The following PSD3 variants were observed in gnomAD, a reference collection of about 807,000 sequenced individuals.
PSD3 encodes PH and SEC7 domain-containing protein 3.
Under a neutral mutation model 105.5 loss-of-function variants are expected in PSD3, and 49 were observed. The observed-to-expected ratio is 0.46, with a 90% confidence interval of 0.37 to 0.59. The LOEUF (loss-of-function observed/expected upper bound fraction) is 0.59, where lower values mean the gene tolerates loss of function less well. PSD3 is among the 20% of genes least tolerant of loss of function. The pLI is 0.00. For missense variants in PSD3, 1,561 were observed against 1,263.8 expected (o/e 1.24, Z -3.57); for synonymous variants, 557 against 457.8 (o/e 1.22, Z -2.77).
chr8:19,049,423 C>T (rs1328908749), intron 1 of PSD3, among the ~76,000 whole-genome samples: 2 of 152,148 alleles, frequency 1.3e-5, no homozygotes, highest in African/African-American at 2.4e-5. Flanking sequence ...GGCACAGTGG[C>T]CCACACCTGC....
intron 9 of PSD3, among the ~76,000 whole-genome samples, chr8:18,743,115 T>C (rs1563216433): frequency 1.3e-5 from 2 of 152,180 alleles, no homozygotes; most frequent in Non-Finnish European, 2.9e-5. Flanking sequence ...TCTTCAACTG[T>C]ATTGCAGGAA....
At chr8:19,040,507 G>C (rs1828086352) in intron 1 of PSD3, among the ~76,000 whole-genome samples, 1 of 152,140 alleles carries the variant, frequency 6.6e-6, no homozygotes, top group Non-Finnish European at 1.5e-5. Context: ...CATTTGGCCT[G>C]GAGTTAGATT....
chr8:18,843,885 G>A (rs370924678), intron 4 of PSD3, among the ~76,000 whole-genome samples: 3 of 150,784 alleles, frequency 2.0e-5, no homozygotes, highest in Non-Finnish European at 4.4e-5. Context: ...CAGGAAGTAG[G>A]TCTTCTATAA....
chr8:19,067,404 C>T (rs531727343), intron 1 of PSD3, among the ~76,000 whole-genome samples: 142 of 152,284 alleles, frequency 9.3e-4, no homozygotes, highest in African/African-American at 3.2e-3. Flanking sequence ...GACATCATTG[C>T]ACCAAGAGTC....
chr8:18,815,664 G>T (rs1055994556), intron 4 of PSD3, among the ~76,000 whole-genome samples: 1 of 152,172 alleles, frequency 6.6e-6, no homozygotes, highest in Non-Finnish European at 1.5e-5. Flanking sequence ...CACAGGCGTT[G>T]CTGTGTTTCT....
rs73202173 is a variant in PSD3 at position 18,939,549 on chromosome 8, T to C, written c.22-3407A>G. On this transcript the variant is annotated intron_variant, in intron 1 of 15. Coordinates refer to ENST00000327040, the MANE Select transcript of PSD3 (RefSeq NM_015310.4). ...TTTTTTTAGAGATGGGATCTAGATA[T>C]GTTGCTCTGACTGGACTCAAACTCT... 1.8e-3 allele frequency among the ~76,000 whole-genome samples: 281 copies of C among 151,906 alleles called. 1 individual carries two copies. Among genetic ancestry groups the C allele is most frequent in the Non-Finnish European group, 3.3e-3 (223 of 67,958 alleles).
At chr8:18,908,839 G>A (rs1348664131) in intron 2 of PSD3, among the ~76,000 whole-genome samples, 1 of 152,068 alleles carries the variant, frequency 6.6e-6, no homozygotes, top group African/African-American at 2.4e-5. Context: ...TTAGTTAAAC[G>A]TCATTATTTC....
chr8:19,057,158 G>C (rs1307813610), intron 1 of PSD3, among the ~76,000 whole-genome samples: 1 of 152,082 alleles, frequency 6.6e-6, no homozygotes, highest in Non-Finnish European at 1.5e-5. Flanking sequence ...GAACATGTTT[G>C]ACTATCTCTT....
intron 9 of PSD3, among the ~76,000 whole-genome samples, chr8:18,673,847 T>C (rs1420859703): frequency 1.3e-5 from 2 of 151,874 alleles, no homozygotes; most frequent in Admixed American, 6.6e-5. Context: ...GAACAGAAAA[T>C]TGTAGGGCGG....
At chr8:18,739,328 T>C (rs1804387729) in intron 9 of PSD3, among the ~76,000 whole-genome samples, 1 of 152,134 alleles carries the variant, frequency 6.6e-6, no homozygotes, top group Admixed American at 6.5e-5. Flanking sequence ...GGTGTTCCCA[T>C]ACTTAATTAT....
chr8:19,065,910 G>A (rs138570708), intron 1 of PSD3, among the ~76,000 whole-genome samples: 117 of 152,288 alleles, frequency 7.7e-4, no homozygotes, highest in Admixed American at 2.8e-3. Context: ...TCTGGTGACC[G>A]CCTCCAATCT....
rs78124967 is a variant in PSD3, at chr8:18,914,783, A to C, written c.130+21251T>G. 1.4e-4 allele frequency among the ~76,000 whole-genome samples: 21 copies of C among 152,328 alleles called. No individual in the cohort carries two copies. The East Asian group carries it at 3.9e-3, about 28-fold the overall frequency. Reference sequence around the variant, plus strand: ...ATTGTTAAAATGTCCCTATTACCTAAAGCAATCTACAGATCCAATGTAACA... The same window carrying C: ...ATTGTTAAAATGTCCCTATTACCTACAGCAATCTACAGATCCAATGTAACA... On this transcript the variant is annotated intron_variant, in intron 2 of 15. Coordinates refer to ENST00000327040, the MANE Select transcript of PSD3 (RefSeq NM_015310.4).
At chr8:18,917,027 A>G (rs1038331114) in intron 2 of PSD3, among the ~76,000 whole-genome samples, 1 of 152,084 alleles carries the variant, frequency 6.6e-6, no homozygotes, top group Middle Eastern at 3.2e-3. Flanking sequence ...CTCCTACGCA[A>G]CATGTCCCAA....
chr8:19,058,372 G>A (rs1169502535), intron 1 of PSD3, among the ~76,000 whole-genome samples: 1 of 149,632 alleles, frequency 6.7e-6, no homozygotes, highest in East Asian at 1.9e-4. Context: ...TTTGGTGATA[G>A]TTGTACAAAT....
intron 4 of PSD3, among the ~76,000 whole-genome samples, chr8:18,852,279 G>A (rs1815644913): frequency 6.6e-6 from 1 of 152,094 alleles, no homozygotes. Context: ...CTCAGACCAG[G>A]CACTCAGAGA....
intron 1 of PSD3, among the ~76,000 whole-genome samples, chr8:19,003,871 C>T (rs1826529371): frequency 6.6e-6 from 1 of 151,862 alleles, no homozygotes; most frequent in Non-Finnish European, 1.5e-5. Flanking sequence ...CAACTGGAGA[C>T]CACACCCACT....
intron 8 of PSD3, among the ~76,000 whole-genome samples, chr8:18,771,770 T>A (rs1807557302): frequency 6.6e-6 from 1 of 152,232 alleles, no homozygotes; most frequent in Non-Finnish European, 1.5e-5. Context: ...GTTAACAGTT[T>A]TAAGCATTCA....
intron 1 of PSD3, among the ~76,000 whole-genome samples, chr8:19,064,199 T>C (rs1319832599): frequency 6.6e-6 from 1 of 152,090 alleles, no homozygotes; most frequent in Admixed American, 6.5e-5. Context: ...GAACTCCAAG[T>C]ACCTGAGTTC....
At chr8:18,799,109 C>T in intron 8 of PSD3, 186 bp downstream of exon 8, 2 of 562,902 alleles carry the variant, frequency 3.6e-6, no homozygotes, top group Non-Finnish European at 6.3e-6. Flanking sequence ...GATTTAAAGT[C>T]ATACTCTGTG....
Sources: gnomAD v4.1 joint callset for allele counts (sites outside exome capture counted in the v4.1 genomes callset) on GRCh38, gnomAD v4.1.1 for gene constraint, MANE v1.5 for transcripts, NCBI Gene and HGNC (gene_info 2026-07-23, HGNC 2026-07-21) for gene names.